SLC4A9: variants seen among roughly 807,000 people sequenced by gnomAD.
SLC4A9 encodes anion exchange protein 4.
A neutral mutation model predicts 103.2 loss-of-function variants in SLC4A9; 102 were observed. The observed-to-expected ratio is 0.99, with a 90% CI of 0.84 to 1.17. The LOEUF is 1.17. Among genes scored for constraint, SLC4A9 ranks in the 50% most tolerant of loss-of-function variants. The pLI is 0.00. For synonymous variants in SLC4A9, 453 were observed against 483.6 expected, an observed-to-expected ratio of 0.94 and a Z score of 0.83; for missense variants, 1,091 against 1,193.7, an observed-to-expected ratio of 0.91 and a Z score of 1.27.
In SLC4A9 at chr5:140,360,866, C is replaced by G; in HGVS notation, c.285C>G (p.Pro95=). Residue 95 remains proline (P), a synonymous_variant, in exon 2 of 22, where the codon CCC becomes CCG. Transcript: ENST00000506757. The part of the protein sequence containing the change: ...LEVAAGRWSA[P]HVPTLALPSL... ...TGGCTGCAGGCCGGTGGAGTGCCCC[C>G]CACGTGCCCACCCTGGCACTGCCCA... The G allele has an allele frequency of 1.9e-6, 3 of 1,612,722 alleles. No individual in the cohort carries two copies. The highest frequency in any genetic ancestry group is 2.5e-6 in the Non-Finnish European group (3 of 1,179,654).
intron 17 of SLC4A9, among the ~76,000 whole-genome samples, chr5:140,370,534 C>T (rs1768558491): frequency 6.6e-6 from 1 of 151,484 alleles, no homozygotes. Flanking sequence ...ATAGTGATAA[C>T]TTCTGTGAAA....
intron 18 of SLC4A9, 120 bp downstream of exon 18, chr5:140,371,283 C>A: frequency 7.2e-7 from 1 of 1,392,436 alleles, no homozygotes; most frequent in Non-Finnish European, 1.0e-6. Context: ...CTCCTGCTTA[C>A]ACTTGCCAAT....
chr5:140,371,246 T>C, intron 18 of SLC4A9, 83 bp downstream of exon 18: 1 of 1,477,882 alleles, frequency 6.8e-7, no homozygotes, highest in Non-Finnish European at 9.3e-7. Context: ...CTAGCAACCC[T>C]ACTCCTTTTT....
chr5:140,366,112 G>A lies in SLC4A9; in HGVS notation c.1900-39G>A, dbSNP rs201461100. On this transcript the variant is annotated intron_variant, in intron 13 of 21. Coordinates refer to ENST00000506757, the MANE Select transcript of SLC4A9 (RefSeq NM_031467.3). ...GGAAGTGGTGTGGAAAAAGAGAGATGGCAGGCCTGGACCTGACTGAGTGTC... is the reference window on the plus strand; with the variant it reads ...GGAAGTGGTGTGGAAAAAGAGAGATAGCAGGCCTGGACCTGACTGAGTGTC... 1.9e-6 allele frequency: 3 copies of A among 1,608,436 alleles called. No homozygotes were observed. In the African/African-American group the frequency reaches 4.0e-5, roughly 21 times the overall value.
At chr5:140,365,634 C>T (rs1247854207) in intron 12 of SLC4A9, 56 bp downstream of exon 12, 11 of 1,569,772 alleles carry the variant, frequency 7.0e-6, no homozygotes, top group Non-Finnish European at 8.7e-6. Flanking sequence ...CCAAGGCAGT[C>T]GGTGGTTTCT....
intron 19 of SLC4A9, 31 bp from the exon 20 acceptor site, chr5:140,372,211 A>G: frequency 6.6e-7 from 1 of 1,516,506 alleles, no homozygotes; most frequent in Non-Finnish European, 8.8e-7. Context: ...ACTGTTGCTG[A>G]CAGGCCTGGG....
At chr5:140,361,104 G>A (rs1041315107) in intron 2 of SLC4A9, 132 bp downstream of exon 2, 5 of 1,192,556 alleles carry the variant, frequency 4.2e-6, no homozygotes, top group South Asian at 1.5e-5. Context: ...GTCACAGGGT[G>A]GACATGGAAA....
At chr5:140,366,561 A>G (rs934567555) in intron 14 of SLC4A9, among the ~76,000 whole-genome samples, 1 of 152,200 alleles carries the variant, frequency 6.6e-6, no homozygotes, top group Non-Finnish European at 1.5e-5. Context: ...CCAGCTATGC[A>G]TTAGGCAAGT....
chr5:140,367,517 T>A lies in SLC4A9; in HGVS notation c.2111T>A (p.Ile704Asn), dbSNP rs750303227. The change falls in exon 15 of 22, where the codon ATC becomes AAC. Residue 704 changes from isoleucine (I) to asparagine (N), a missense_variant. Ile to Asn is a moderately radical substitution (Grantham distance 149). Transcript: ENST00000506757. The stretch of plus-strand genomic sequence containing the variant: ...GCCCTGCCTGCCCTGCTGCTGTCTA[T>A]CCTCATCTTCATGGACCAACAGATC... ...AAALPALLLS[I>N]LIFMDQQITA... 3 of 1,604,796 alleles carry A rather than the reference T, an allele frequency of 1.9e-6. No individual in the cohort carries two copies. Among genetic ancestry groups the A allele is most frequent in the Non-Finnish European group, 2.6e-6 (3 of 1,175,864 alleles).
intron 21 of SLC4A9, 198 bp from the exon 22 acceptor site, chr5:140,374,629 G>A (rs1402010390): frequency 6.6e-6 from 1 of 151,510 alleles, no homozygotes; most frequent in Non-Finnish European, 1.5e-5. Context: ...CTGGAGACTG[G>A]AGAGAGAAAG....
intron 11 of SLC4A9, among the ~76,000 whole-genome samples, chr5:140,364,956 G>A (rs1285600501): frequency 6.6e-6 from 1 of 152,200 alleles, no homozygotes; most frequent in Non-Finnish European, 1.5e-5. Context: ...CAGGGGAGTA[G>A]AGCTAAATAC....
At position 140,367,896 on chromosome 5, in the gene SLC4A9, C is replaced by T. The variant is rs534781591; in HGVS notation, c.2352C>T (p.Ile784=). Residue 784 remains isoleucine (I), a splice_region_variant and synonymous_variant, in exon 16 of 22, where the codon ATC becomes ATT. Transcript: ENST00000506757. Reference sequence around the variant, plus strand: ...GGGAGCGCCCCAACTTCCTGGGTATCAGGTGAGGGCGGTATTTAGGAAGTG... The same window carrying T: ...GGGAGCGCCCCAACTTCCTGGGTATTAGGTGAGGGCGGTATTTAGGAAGTG... ...APGERPNFLG[I]REQRLTGLVV... 6 of 1,613,632 alleles carry T rather than the reference C, an allele frequency of 3.7e-6. No homozygotes were observed. The highest frequency in any genetic ancestry group is 2.7e-5 in the African/African-American group (2 of 75,042).
chr5:140,365,364 G>C (rs551979884), intron 11 of SLC4A9, among the ~76,000 whole-genome samples, 156 bp from the exon 12 acceptor site: 1 of 152,322 alleles, frequency 6.6e-6, no homozygotes, highest in South Asian at 2.1e-4. Flanking sequence ...ATGAGACAAT[G>C]TCCTTCTCGC....
chr5:140,374,263 A>G (rs1769161367), intron 21 of SLC4A9, among the ~76,000 whole-genome samples: 1 of 150,742 alleles, frequency 6.6e-6, no homozygotes, highest in African/African-American at 2.4e-5. Flanking sequence ...TCCAAGCTCA[A>G]GAGCCTAAGA....
In SLC4A9 at chr5:140,363,999, T is replaced by C. The variant is rs1767511107; in HGVS notation, c.1255-55T>C. On this transcript the variant is annotated intron_variant, in intron 9 of 21. Coordinates refer to ENST00000506757, the MANE Select transcript of SLC4A9 (RefSeq NM_031467.3). The surrounding 1 kb of genome is among the most constrained non-coding windows in gnomAD (Gnocchi z 4.5). ...TAAGTTAAGGAGGCTCTCCCAAAGC[T>C]TCAAAGGACCCCGAGGACTTCAGGG... 2.0e-6 allele frequency: 3 copies of C among 1,538,250 alleles called. No homozygotes were observed. In the South Asian group the frequency reaches 3.7e-5, roughly 19 times the overall value.
At position 140,361,860 on chromosome 5, in the gene SLC4A9, A is replaced by G. The variant is rs1297807968; in HGVS notation, c.558A>G (p.Glu186=). 2 of 1,613,928 alleles carry G rather than the reference A, an allele frequency of 1.2e-6. No homozygotes were observed. The highest frequency in any genetic ancestry group is 1.7e-6 in the Non-Finnish European group (2 of 1,179,862). Residue 186 remains glutamate (E), a synonymous_variant, in exon 4 of 22, where the codon GAA becomes GAG. Transcript: ENST00000506757. ...ASDNEEAPLR[E]QCQNPLRQKL... Reference sequence around the variant, plus strand: ...ACAATGAGGAAGCCCCCCTGAGGGAACAGGTTTGTGGCCCTTCCTTGGGGT... The same window carrying G: ...ACAATGAGGAAGCCCCCCTGAGGGAGCAGGTTTGTGGCCCTTCCTTGGGGT...
intron 17 of SLC4A9, among the ~76,000 whole-genome samples, chr5:140,369,772 T>A (rs1292425227): frequency 6.6e-6 from 1 of 151,068 alleles, no homozygotes; most frequent in Non-Finnish European, 1.5e-5. Context: ...GAGGCCGAGG[T>A]GGGCGGATTG....
rs764735031 is a variant in SLC4A9 at position 140,362,486 on chromosome 5, G to A, written c.761G>A (p.Gly254Asp). 2.2e-5 allele frequency: 35 copies of A among 1,614,010 alleles called. 2 individuals carry two copies. In the South Asian group the frequency reaches 3.7e-4, roughly 17 times the overall value. Residue 254 changes from glycine to aspartate, a missense_variant, in exon 6 of 22, where the codon GGC (glycine) becomes GAC (aspartate). Physicochemically the swap from Gly to Asp is moderately conservative, Grantham distance 94 (BLOSUM62 -1). Transcript: ENST00000506757. ...CTGGGCCCCTGTATGCTGGGAAAGG[G>A]CTACCATGAGATGGGACGGGCAGCA... ...LLLGPCMLGK[G>D]YHEMGRAAAV...
chr5:140,372,429 T>C (rs777366909), intron 20 of SLC4A9, 32 bp downstream of exon 20: 9 of 1,600,092 alleles, frequency 5.6e-6, no homozygotes, highest in Middle Eastern at 1.7e-4. Context: ...CTCAGGAGAA[T>C]GTGTCAGGGT....
Sources: gnomAD v4.1 joint callset for allele counts (sites outside exome capture counted in the v4.1 genomes callset) on GRCh38, gnomAD v4.1.1 for gene constraint, Gnocchi (gnomAD v3.1) non-coding constraint, MANE v1.5 for transcripts, NCBI Gene and HGNC (gene_info 2026-07-23, HGNC 2026-07-21) for gene names.